Variants in ANKFY1 observed in about 807,000 individuals in gnomAD.
ANKFY1 encodes the protein ankyrin repeat and FYVE domain-containing protein 1.
In ANKFY1, 47 loss-of-function variants were observed where a neutral mutation model predicts 128.3. The observed-to-expected ratio is 0.37, with a 90% CI of 0.29 to 0.47. The LOEUF (loss-of-function observed/expected upper bound fraction) is 0.47. Ranked by LOEUF, ANKFY1 falls within the 20% of genes least tolerant of loss-of-function variation. The pLI, the probability that ANKFY1 is intolerant of heterozygous loss-of-function variation, is 1.00. For missense variants in ANKFY1, 1,222 were observed against 1,510.6 expected (o/e 0.81, Z 3.17); for synonymous variants, 553 against 601.6 (o/e 0.92, Z 1.18).
chr17:4,176,996 C>T, intron 19 of ANKFY1, 130 bp downstream of exon 19: 1 of 1,009,366 alleles, frequency 9.9e-7, no homozygotes, highest in Non-Finnish European at 1.3e-6. Flanking sequence ...CTGAGTGCAC[C>T]AGCCTCGCTC....
intron 4 of ANKFY1, among the ~76,000 whole-genome samples, chr17:4,215,145 T>A (rs2060199174): frequency 6.6e-6 from 1 of 151,898 alleles, no homozygotes; most frequent in Non-Finnish European, 1.5e-5. Context: ...AAAAATTAGC[T>A]GGGCGTGGTG....
intron 3 of ANKFY1, chr17:4,222,346 C>A (rs2060339035): frequency 1.3e-6 from 1 of 745,182 alleles, no homozygotes. Flanking sequence ...GACAAATGAC[C>A]TTATTATTCA....
intron 4 of ANKFY1, among the ~76,000 whole-genome samples, chr17:4,211,822 G>A (rs2060136251): frequency 6.6e-6 from 1 of 152,016 alleles, no homozygotes; most frequent in Admixed American, 6.6e-5. Context: ...GGAGTTCAAG[G>A]CTGCGGTGAA....
chr17:4,261,489 G>C (rs559438253), intron 1 of ANKFY1, among the ~76,000 whole-genome samples: 81 of 152,302 alleles, frequency 5.3e-4, no homozygotes, highest in South Asian at 4.6e-3. Flanking sequence ...AAAGGAAAGG[G>C]GAAGGGAAGG....
chr17:4,216,699 G>A (rs1982177), intron 4 of ANKFY1: 226,218 of 403,034 alleles, frequency 0.56, 67,576 homozygotes, highest in East Asian at 0.74. Context: ...TGAAAGTTTG[G>A]ACATTGGATT....
intron 3 of ANKFY1, among the ~76,000 whole-genome samples, chr17:4,221,847 C>T (rs1324291635): frequency 6.6e-6 from 1 of 152,126 alleles, no homozygotes; most frequent in Non-Finnish European, 1.5e-5. Context: ...GAACTCCTGA[C>T]CTCAGGTGAT....
At chr17:4,219,143 G>A (rs1226019244) in intron 3 of ANKFY1, among the ~76,000 whole-genome samples, 1 of 152,110 alleles carries the variant, frequency 6.6e-6, no homozygotes, top group South Asian at 2.1e-4. Context: ...CATTATTTGT[G>A]CAATCTTTTT....
Position 4,206,959 on chromosome 17 carries a change from G to A in ANKFY1, c.733-473C>T, listed in dbSNP as rs1199463005. ...TACATTTCTTTCAAGGTCATATGGTGGGCAGAATTATCACCCCCCCCAAAG... is the reference window on the plus strand; with the variant it reads ...TACATTTCTTTCAAGGTCATATGGTAGGCAGAATTATCACCCCCCCCAAAG... On this transcript the variant is annotated intron_variant, in intron 6 of 24. Coordinates refer to ENST00000341657, the MANE Select transcript of ANKFY1 (RefSeq NM_001330063.2). Among the ~76,000 whole-genome samples, 11 of 152,148 alleles carry A rather than the reference G, an allele frequency of 7.2e-5. No individual in the cohort carries two copies. The East Asian group carries it at 2.1e-3, about 29-fold the overall frequency.
chr17:4,214,519 C>T (rs774766516), intron 4 of ANKFY1, among the ~76,000 whole-genome samples: 1 of 150,452 alleles, frequency 6.6e-6, no homozygotes, highest in African/African-American at 2.5e-5. Flanking sequence ...AACGATAAAC[C>T]TAACTTTTTT....
chr17:4,184,176 T>C (rs1189824970), intron 12 of ANKFY1, among the ~76,000 whole-genome samples: 3 of 152,180 alleles, frequency 2.0e-5, no homozygotes, highest in Non-Finnish European at 4.4e-5. Flanking sequence ...ACACGCTTGA[T>C]TACTAAAAAG....
At chr17:4,220,509 C>T (rs1304077482) in intron 3 of ANKFY1, among the ~76,000 whole-genome samples, 1 of 152,128 alleles carries the variant, frequency 6.6e-6, no homozygotes, top group African/African-American at 2.4e-5. Context: ...CAAACTTGCC[C>T]GGTTAATCTT....
At chr17:4,172,723 G>A (rs368077855) in intron 21 of ANKFY1, 43 bp from the exon 22 acceptor site, 1 of 1,606,244 alleles carries the variant, frequency 6.2e-7, no homozygotes, top group Non-Finnish European at 8.5e-7. Context: ...ATCTGCCATG[G>A]CCATCACACA....
Position 4,244,930 on chromosome 17 carries a change from G to C in ANKFY1, c.11-2482C>G, listed in dbSNP as rs62064377. Reference sequence around the variant, plus strand: ...CATCACATCTGAAATCCTCAGCCCCGCCATCTCTAGCTACCATACACCACT... The same window carrying C: ...CATCACATCTGAAATCCTCAGCCCCCCCATCTCTAGCTACCATACACCACT... On this transcript the variant is annotated intron_variant, in intron 1 of 24. Transcript: ENST00000341657. Among the ~76,000 whole-genome samples the C allele has an allele frequency of 1.8e-3, 275 of 151,858 alleles. 1 individual carries two copies. Among genetic ancestry groups the C allele is most frequent in the Non-Finnish European group, 2.9e-3 (199 of 67,932 alleles).
chr17:4,197,624 G>A (rs972288301), intron 7 of ANKFY1, 47 bp from the exon 8 acceptor site: 2 of 1,562,094 alleles, frequency 1.3e-6, no homozygotes, highest in Admixed American at 3.6e-5. Context: ...AAAGTATTCT[G>A]GCCAGTGCTT....
At position 4,165,848 on chromosome 17, in the gene ANKFY1, T is replaced by C. The variant is rs544346141; in HGVS notation, c.*1931A>G. The C allele has an allele frequency of 2.0e-5, 3 of 152,368 alleles. No homozygotes were observed. Among genetic ancestry groups the C allele is most frequent in the African/African-American group, 7.2e-5 (3 of 41,590 alleles). The allele number at this position is 152,368 out of a possible 1,614,324, so 9.4% of individuals were successfully genotyped here. ...ATTCCTTTTAAAGAACAGGTATCCA[T>C]GTACCAACCACTTCAATTCATATCC... On this transcript the variant is annotated 3_prime_UTR_variant, in exon 25 of 25. Transcript: ENST00000341657.
intron 19 of ANKFY1, among the ~76,000 whole-genome samples, chr17:4,176,034 G>A (rs1297612620): frequency 1.3e-5 from 2 of 152,138 alleles, no homozygotes; most frequent in African/African-American, 4.8e-5. Flanking sequence ...CTACGACTTT[G>A]GGACCCAGCT....
chr17:4,248,503 C>T (rs753218794), intron 1 of ANKFY1, among the ~76,000 whole-genome samples: 1 of 152,148 alleles, frequency 6.6e-6, no homozygotes, highest in Non-Finnish European at 1.5e-5. Context: ...CAGAGAAGTA[C>T]GTGTAAAGTC....
intron 16 of ANKFY1, chr17:4,180,441 A>C (rs2059489828): frequency 6.6e-6 from 1 of 151,978 alleles, no homozygotes; most frequent in East Asian, 1.9e-4. Context: ...CATCTCAAAA[A>C]TAGAAAATAC....
intron 3 of ANKFY1, chr17:4,223,592 G>A: frequency 1.5e-6 from 2 of 1,290,994 alleles, no homozygotes; most frequent in South Asian, 1.2e-5. Flanking sequence ...TGGGGCCTTT[G>A]GAGTGATGCT....
Sources: gnomAD v4.1 joint callset for allele counts (sites outside exome capture counted in the v4.1 genomes callset) on GRCh38, gnomAD v4.1.1 for gene constraint, MANE v1.5 for transcripts, NCBI Gene and HGNC (gene_info 2026-07-23, HGNC 2026-07-21) for gene names.